Variants in CES5A observed in about 807,000 individuals in gnomAD.
CES5A encodes the protein carboxylesterase 5A.
Under a neutral mutation model 62.9 loss-of-function variants are expected in CES5A, and 67 were observed. The observed-to-expected ratio is 1.07, with a 90% CI of 0.88 to 1.31. The LOEUF (loss-of-function observed/expected upper bound fraction) is 1.31, where lower values mean the gene tolerates loss of function less well. Ranked by LOEUF, CES5A falls within the 50% of genes most tolerant of loss-of-function variation. The probability of loss-of-function intolerance (pLI) is 0.00; values close to 1 mark genes in which losing one functional copy is unlikely to be tolerated. For missense variants in CES5A, 748 were observed against 708.5 expected, an observed-to-expected ratio of 1.06 and a Z score of -0.63; for synonymous variants, 296 against 280.8, an observed-to-expected ratio of 1.05 and a Z score of -0.54.
intron 2 of CES5A, among the ~76,000 whole-genome samples, chr16:55,931,156 C>T (rs1196021739): frequency 6.6e-6 from 1 of 152,230 alleles, no homozygotes; most frequent in Non-Finnish European, 1.5e-5. Flanking sequence ...CCACTCCACC[C>T]TCTGCTATTC....
At chr16:55,939,354 G>A (rs1191406263) in intron 2 of CES5A, among the ~76,000 whole-genome samples, 1 of 152,082 alleles carries the variant, frequency 6.6e-6, no homozygotes, top group Non-Finnish European at 1.5e-5. Flanking sequence ...AGTACAAAGG[G>A]GTAGTTCCCC....
At chr16:55,866,657 C>CAAAAAAAAAA (rs1567330836) in intron 4 of CES5A, among the ~76,000 whole-genome samples, 1 of 69,522 alleles carries the variant, frequency 1.4e-5, no homozygotes, top group African/African-American at 7.0e-5. Flanking sequence ...TCTGTCTCTG[C>CAAAAAAAAAA]TAAAAAAAAA....
chr16:55,944,101 G>A (rs2034470595), intron 2 of CES5A: 2 of 701,980 alleles, frequency 2.8e-6, no homozygotes, highest in Non-Finnish European at 5.2e-6. Flanking sequence ...TCCATTTCCT[G>A]TCCAAGGAGA....
Position 55,871,653 on chromosome 16 carries a change from G to A in CES5A, c.389C>T (p.Ala130Val), listed in dbSNP as rs748197821. 1.9e-6 allele frequency: 3 copies of A among 1,614,134 alleles called. No homozygotes were observed. The highest frequency in any genetic ancestry group is 4.5e-5 in the East Asian group (2 of 44,870). Reference protein sequence around the residue: ...DCLYLNIYAPAHADTGSKLPV... With the variant: ...DCLYLNIYAPVHADTGSKLPV... ...GAGCTTGGAGCCTGTATCGGCGTGG[G>A]CAGGCGCATAGATGTTCAGGTAGAG... Residue 130 changes from alanine (A) to valine (V), a missense_variant, in exon 3 of 13, where the codon GCC (alanine) becomes GTC (valine). Physicochemically the swap from Ala to Val is moderately conservative, Grantham distance 64. Transcript: ENST00000290567.
intron 2 of CES5A, among the ~76,000 whole-genome samples, chr16:55,937,239 C>T (rs1293296191): frequency 6.6e-6 from 1 of 152,180 alleles, no homozygotes; most frequent in Non-Finnish European, 1.5e-5. Flanking sequence ...GTTGGCCCCT[C>T]CTGCTGAGAC....
intron 1 of CES5A, among the ~76,000 whole-genome samples, chr16:55,900,355 G>C (rs1191179352): frequency 6.6e-6 from 1 of 152,208 alleles, no homozygotes; most frequent in Non-Finnish European, 1.5e-5. Context: ...AGTAAGGCCA[G>C]CTGTAGGGAA....
intron 10 of CES5A, among the ~76,000 whole-genome samples, chr16:55,851,235 G>T (rs1207074798): frequency 6.6e-6 from 1 of 152,078 alleles, no homozygotes; most frequent in Non-Finnish European, 1.5e-5. Flanking sequence ...GAAAATATTT[G>T]CAAGTCATAT....
chr16:55,886,747 C>T (rs3848303), intron 1 of CES5A, among the ~76,000 whole-genome samples: 37,345 of 151,996 alleles, frequency 0.25, 4,898 homozygotes, highest in East Asian at 0.52. Flanking sequence ...CCAGAATTGA[C>T]ACCTACTCAG....
At chr16:55,850,094 C>T (rs11864190) in intron 10 of CES5A, among the ~76,000 whole-genome samples, 4,544 of 152,278 alleles carry the variant, frequency 0.03, 214 homozygotes, top group African/African-American at 0.1. Context: ...ACTTTCTTTT[C>T]ATTACTGAAC....
Position 55,931,585 on chromosome 16 carries a change from C to A in CES5A, c.160+18200G>T, listed in dbSNP as rs556503914. 2.0e-5 allele frequency among the ~76,000 whole-genome samples: 3 copies of A among 152,270 alleles called. No homozygotes were observed. In the South Asian group the frequency reaches 6.2e-4, roughly 32 times the overall value. On this transcript the variant is annotated intron_variant, in intron 2 of 13. Transcript: ENST00000521992. ...GGACTGGCCTTAACCCTATTCTCAC[C>A]CCTCTGATCCTTTATGCATGCCACT...
intron 3 of CES5A, 143 bp downstream of exon 3, chr16:55,871,482 A>AT: frequency 1.1e-6 from 1 of 882,108 alleles, no homozygotes; most frequent in East Asian, 2.7e-5. Context: ...CATTCAAATG[A>AT]TTTTTAAAAA....
chr16:55,847,209 A>G (rs527789324), intron 11 of CES5A, among the ~76,000 whole-genome samples: 4 of 127,502 alleles, frequency 3.1e-5, no homozygotes, highest in Non-Finnish European at 5.1e-5. Flanking sequence ...CTCTCTCCCT[A>G]TCTCTCCCTT....
upstream of CES5A, among the ~76,000 whole-genome samples, chr16:55,880,356 A>T (rs573975976): frequency 3.6e-4 from 55 of 152,268 alleles, no homozygotes; most frequent in Non-Finnish European, 3.8e-4. Flanking sequence ...GGGTCATGAG[A>T]GCTGAGGGAG....
intron 11 of CES5A, among the ~76,000 whole-genome samples, chr16:55,848,131 G>A (rs2033053088): frequency 6.6e-6 from 1 of 151,838 alleles, no homozygotes; most frequent in South Asian, 2.1e-4. Flanking sequence ...TTTGAGACGG[G>A]AGTCTCACTC....
chr16:55,903,786 C>A (rs2034013411), intron 1 of CES5A, among the ~76,000 whole-genome samples: 1 of 152,130 alleles, frequency 6.6e-6, no homozygotes. Context: ...TCAGAAATTG[C>A]AAGACCTGGA....
At chr16:55,955,899 G>A in exon 1 of CES5A, 2 of 1,536,074 alleles carry the variant, frequency 1.3e-6, no homozygotes, top group Non-Finnish European at 1.7e-6. Context: ...ACTTGCCCTT[G>A]GTCCTAACAC....
intron 2 of CES5A, among the ~76,000 whole-genome samples, chr16:55,939,913 C>G (rs1271958299): frequency 2.0e-5 from 3 of 151,868 alleles, no homozygotes; most frequent in Non-Finnish European, 4.4e-5. Flanking sequence ...CAACACACTT[C>G]TAAATAATTC....
intron 2 of CES5A, among the ~76,000 whole-genome samples, chr16:55,935,718 T>A (rs546344442): frequency 2.0e-5 from 3 of 152,310 alleles, no homozygotes; most frequent in Admixed American, 2.0e-4. Flanking sequence ...TCTGGGTAGA[T>A]GTCTGTGTGT....
intron 2 of CES5A, among the ~76,000 whole-genome samples, chr16:55,937,990 T>C (rs2034395125): frequency 6.6e-6 from 1 of 152,188 alleles, no homozygotes; most frequent in African/African-American, 2.4e-5. Context: ...GAGAAATAGA[T>C]ACTTTTCCTT....
Sources: gnomAD v4.1 joint callset for allele counts (sites outside exome capture counted in the v4.1 genomes callset) on GRCh38, gnomAD v4.1.1 for gene constraint, MANE v1.5 for transcripts, NCBI Gene and HGNC (gene_info 2026-07-23, HGNC 2026-07-21) for gene names.